DENND1A: variants seen among roughly 807,000 people sequenced by gnomAD.
DENND1A encodes DENN domain containing 1A, also known as DENN domain-containing protein 1A.
Under a neutral mutation model 113.7 loss-of-function variants are expected in DENND1A, and 51 were observed. The ratio of observed to expected loss-of-function variants is 0.45; its 90% CI spans 0.36 to 0.57. DENND1A has a LOEUF of 0.57. DENND1A is among the 20% of genes least tolerant of loss of function. The pLI is 0.00. For missense variants in DENND1A, 1,258 were observed against 1,395.9 expected (o/e 0.90, Z 1.57); for synonymous variants, 565 against 570.8 (o/e 0.99, Z 0.14).
chr9:123,544,168 T>G (rs1466693183), intron 13 of DENND1A, among the ~76,000 whole-genome samples: 2 of 152,212 alleles, frequency 1.3e-5, no homozygotes, highest in Non-Finnish European at 2.9e-5. Context: ...GGATTAACAC[T>G]GCTGTGAGAA....
At chr9:123,432,089 TC>T (rs1259825225) in intron 19 of DENND1A, among the ~76,000 whole-genome samples, 1 of 152,186 alleles carries the variant, frequency 6.6e-6, no homozygotes, top group African/African-American at 2.4e-5. Context: ...TCTGGCCTTC[TC>T]CAGCTCTCTA....
At chr9:123,456,033 A>G (rs552884578) in intron 15 of DENND1A, among the ~76,000 whole-genome samples, 75 of 152,170 alleles carry the variant, frequency 4.9e-4, no homozygotes, top group Non-Finnish European at 9.1e-4. Flanking sequence ...TTTTTACTCT[A>G]TGGGGCTCTG....
intron 9 of DENND1A, among the ~76,000 whole-genome samples, chr9:123,639,837 A>G (rs2061934752): frequency 6.6e-6 from 1 of 151,996 alleles, no homozygotes; most frequent in African/African-American, 2.4e-5. Context: ...CACTGAATTC[A>G]CATTACTATC....
chr9:123,884,077 T>C (rs1401249262), intron 1 of DENND1A, among the ~76,000 whole-genome samples: 1 of 152,114 alleles, frequency 6.6e-6, no homozygotes, highest in Non-Finnish European at 1.5e-5. Flanking sequence ...ATTCTCTATT[T>C]CTCTGCAAAT....
At chr9:123,445,723 AGC>A (rs1353579780) in intron 18 of DENND1A, among the ~76,000 whole-genome samples, 1 of 152,182 alleles carries the variant, frequency 6.6e-6, no homozygotes, top group African/African-American at 2.4e-5. Flanking sequence ...TACAAAAATT[AGC>A]CAGGTGTGAT....
At chr9:123,891,648 C>T (rs932298025) in intron 1 of DENND1A, among the ~76,000 whole-genome samples, 4 of 152,052 alleles carry the variant, frequency 2.6e-5, no homozygotes, top group African/African-American at 4.8e-5. Flanking sequence ...TAAATAAAAT[C>T]GTACTAAATC....
At chr9:123,533,498 C>G (rs2055491644) in intron 13 of DENND1A, among the ~76,000 whole-genome samples, 1 of 152,204 alleles carries the variant, frequency 6.6e-6, no homozygotes, top group Non-Finnish European at 1.5e-5. Context: ...CCAGAGCTCA[C>G]CTGCCATTTG....
intron 20 of DENND1A, 137 bp from the exon 21 acceptor site, chr9:123,403,627 G>T: frequency 1.4e-6 from 1 of 715,762 alleles, no homozygotes; most frequent in Non-Finnish European, 2.4e-6. Flanking sequence ...CAAAAGCCCA[G>T]CCTATCACAG....
At chr9:123,827,146 C>T (rs1839452309) in intron 2 of DENND1A, among the ~76,000 whole-genome samples, 1 of 152,156 alleles carries the variant, frequency 6.6e-6, no homozygotes, top group Middle Eastern at 3.4e-3. Flanking sequence ...GTTATTCATG[C>T]ATATAAAAAA....
chr9:123,477,838 G>A lies in DENND1A; in HGVS notation c.994-19941C>T, dbSNP rs188179614. The stretch of plus-strand genomic sequence containing the variant: ...TGAAATTGCTTTCCAAATCCTGCTC[G>A]GGGACTGCCTCAGTTTCTCCCAAGG... On this transcript the variant is annotated intron_variant, in intron 13 of 23. Transcript: ENST00000394215. Among the ~76,000 whole-genome samples the A allele has an allele frequency of 6.6e-5, 10 of 152,142 alleles. No individual in the cohort carries two copies. In the East Asian group the frequency reaches 1.9e-3, roughly 29 times the overall value.
chr9:123,408,774 G>A (rs1423776620), intron 20 of DENND1A, among the ~76,000 whole-genome samples: 1 of 152,132 alleles, frequency 6.6e-6, no homozygotes, highest in Non-Finnish European at 1.5e-5. Context: ...GTTGCCAATG[G>A]ATGTGGCAGC....
At chr9:123,787,574 G>A (rs1832374014) in intron 3 of DENND1A, among the ~76,000 whole-genome samples, 1 of 152,258 alleles carries the variant, frequency 6.6e-6, no homozygotes, top group East Asian at 1.9e-4. Flanking sequence ...TTTGCATGGA[G>A]CATACCTCAA....
intron 12 of DENND1A, among the ~76,000 whole-genome samples, chr9:123,571,897 C>A (rs138600954): frequency 1.3e-5 from 2 of 152,280 alleles, no homozygotes; most frequent in African/African-American, 4.8e-5. Flanking sequence ...AGTGGTTGTA[C>A]CGTATTGTAC....
intron 4 of DENND1A, among the ~76,000 whole-genome samples, chr9:123,766,811 C>G (rs77596375): frequency 6.6e-6 from 1 of 152,162 alleles, no homozygotes; most frequent in Admixed American, 6.5e-5. Context: ...TTCCTAAGTC[C>G]TAGTTTGAAA....
intron 11 of DENND1A, among the ~76,000 whole-genome samples, chr9:123,600,257 C>T (rs1036475948): frequency 6.6e-6 from 1 of 152,206 alleles, no homozygotes; most frequent in Non-Finnish European, 1.5e-5. Flanking sequence ...ATCAATTCTA[C>T]ACCTAAATAA....
At chr9:123,677,031 C>T (rs941108574) in intron 5 of DENND1A, among the ~76,000 whole-genome samples, 12 of 152,218 alleles carry the variant, frequency 7.9e-5, no homozygotes, top group African/African-American at 2.9e-4. Context: ...AGAGCTAGAA[C>T]AGTTCACAGA....
chr9:123,543,778 C>T (rs2056457905), intron 13 of DENND1A, among the ~76,000 whole-genome samples: 1 of 152,192 alleles, frequency 6.6e-6, no homozygotes, highest in Non-Finnish European at 1.5e-5. Flanking sequence ...CAGTGATTAG[C>T]CCTGTGCTGA....
At chr9:123,851,062 C>A (rs988509463) in intron 2 of DENND1A, among the ~76,000 whole-genome samples, 2 of 152,034 alleles carry the variant, frequency 1.3e-5, no homozygotes, top group African/African-American at 4.8e-5. Flanking sequence ...TAAGAAAACA[C>A]AAGCATGGAA....
intron 22 of DENND1A, among the ~76,000 whole-genome samples, chr9:123,387,161 C>T (rs1457954138): frequency 1.3e-5 from 2 of 152,150 alleles, no homozygotes; most frequent in Non-Finnish European, 2.9e-5. Flanking sequence ...GCGACAGCAG[C>T]TTAATCTTAG....
Sources: gnomAD v4.1 joint callset for allele counts (sites outside exome capture counted in the v4.1 genomes callset) on GRCh38, gnomAD v4.1.1 for gene constraint, MANE v1.5 for transcripts, NCBI Gene and HGNC (gene_info 2026-07-23, HGNC 2026-07-21) for gene names.